The following OSBPL1A variants were observed in gnomAD, a reference collection of about 807,000 sequenced individuals.
OSBPL1A encodes oxysterol-binding protein-related protein 1.
Under a neutral mutation model 137.1 loss-of-function variants are expected in OSBPL1A, and 80 were observed. The ratio of observed to expected loss-of-function variants is 0.58; its 90% CI spans 0.49 to 0.70. The LOEUF is 0.70. Ranked by LOEUF, OSBPL1A falls within the 30% of genes least tolerant of loss-of-function variation. OSBPL1A has a pLI of 0.00. For missense variants in OSBPL1A, 970 were observed against 1,129.4 expected, an observed-to-expected ratio of 0.86 and a Z score of 2.02; for synonymous variants, 365 against 389.7, an observed-to-expected ratio of 0.94 and a Z score of 0.75.
chr18:24,379,879 G>A (rs1157549843), intron 1 of OSBPL1A, among the ~76,000 whole-genome samples: 1 of 151,978 alleles, frequency 6.6e-6, no homozygotes, highest in Admixed American at 6.6e-5. Context: ...TTAAAAAAAA[G>A]AATTTAAGGA....
At chr18:24,382,813 C>T (rs1906694178) in intron 1 of OSBPL1A, among the ~76,000 whole-genome samples, 2 of 151,826 alleles carry the variant, frequency 1.3e-5, no homozygotes, top group Non-Finnish European at 2.9e-5. Context: ...GAAGTTGAGA[C>T]TGCAGTGAGC....
At chr18:24,299,120 T>G (rs745729002) in intron 14 of OSBPL1A, among the ~76,000 whole-genome samples, 2 of 152,226 alleles carry the variant, frequency 1.3e-5, no homozygotes, top group Admixed American at 1.3e-4. Context: ...ATATGAATCC[T>G]TATGTGTTAG....
At chr18:24,215,796 T>C (rs753551904) in intron 17 of OSBPL1A, among the ~76,000 whole-genome samples, 5 of 152,152 alleles carry the variant, frequency 3.3e-5, no homozygotes, top group Non-Finnish European at 4.4e-5. Flanking sequence ...AGGCAGACCA[T>C]TAAAAGGCTG....
At chr18:24,366,847 T>G (rs1437520282) in intron 4 of OSBPL1A, 45 bp downstream of exon 4, 1 of 1,570,100 alleles carries the variant, frequency 6.4e-7, no homozygotes, top group Non-Finnish European at 8.7e-7. Context: ...TAACTACTCC[T>G]CCAAATACCT....
At position 24,308,272 on chromosome 18, in the gene OSBPL1A, C is replaced by T. The variant is rs554040739; in HGVS notation, c.1092+3712G>A. Among the ~76,000 whole-genome samples the T allele has an allele frequency of 1.8e-3, 268 of 150,816 alleles. 1 individual carries two copies. Among genetic ancestry groups the T allele is most frequent in the African/African-American group, 5.4e-3 (220 of 41,008 alleles). Reference sequence around the variant, plus strand: ...CTGGGACTACAGATATGGGCCACCACGTCCAGCTAATTTTTGTATTTTTAG... The same window carrying T: ...CTGGGACTACAGATATGGGCCACCATGTCCAGCTAATTTTTGTATTTTTAG... On this transcript the variant is annotated intron_variant, in intron 13 of 27. Transcript: ENST00000319481.
intron 1 of OSBPL1A, among the ~76,000 whole-genome samples, chr18:24,396,047 C>T (rs1007962704): frequency 6.6e-6 from 1 of 151,100 alleles, no homozygotes; most frequent in African/African-American, 2.4e-5. Flanking sequence ...GGTGAAACCT[C>T]GTCTCTACTA....
At chr18:24,362,417 A>G (rs1263193476) in intron 4 of OSBPL1A, among the ~76,000 whole-genome samples, 1 of 152,202 alleles carries the variant, frequency 6.6e-6, no homozygotes, top group Admixed American at 6.5e-5. Flanking sequence ...ACAAGTATCA[A>G]TTTATGAACA....
At chr18:24,210,253 C>T (rs887159807) in intron 17 of OSBPL1A, among the ~76,000 whole-genome samples, 3 of 152,054 alleles carry the variant, frequency 2.0e-5, no homozygotes, top group Non-Finnish European at 4.4e-5. Context: ...GTTGAAACCC[C>T]GTCTCTACTA....
At chr18:24,292,161 C>A (rs1180492728) in intron 14 of OSBPL1A, among the ~76,000 whole-genome samples, 1 of 152,120 alleles carries the variant, frequency 6.6e-6, no homozygotes, top group African/African-American at 2.4e-5. Flanking sequence ...ATAACTATAA[C>A]CCAGTGAGGG....
intron 4 of OSBPL1A, among the ~76,000 whole-genome samples, chr18:24,344,581 G>A (rs2146161023): frequency 6.6e-6 from 1 of 152,140 alleles, no homozygotes; most frequent in South Asian, 2.1e-4. Context: ...TGTGTAGGGA[G>A]CAGGTGCTGG....
chr18:24,241,503 T>C (rs1417343897), intron 15 of OSBPL1A, among the ~76,000 whole-genome samples: 2 of 152,214 alleles, frequency 1.3e-5, no homozygotes, highest in Non-Finnish European at 2.9e-5. Context: ...AAGGCGTTTA[T>C]GCAGCCAACA....
intron 18 of OSBPL1A, among the ~76,000 whole-genome samples, chr18:24,193,688 T>C (rs1822650): frequency 0.88 from 134,364 of 152,094 alleles, 59,469 homozygotes; most frequent in East Asian, 1. Context: ...AAATGTTCTT[T>C]CAGAACATTT....
At chr18:24,204,117 C>G (rs576428694) in intron 17 of OSBPL1A, among the ~76,000 whole-genome samples, 2 of 152,370 alleles carry the variant, frequency 1.3e-5, no homozygotes, top group East Asian at 3.9e-4. Flanking sequence ...TGCGGCCAGA[C>G]TGCTTTTGGA....
At chr18:24,395,419 T>C (rs570925267) in intron 1 of OSBPL1A, among the ~76,000 whole-genome samples, 25 of 152,332 alleles carry the variant, frequency 1.6e-4, no homozygotes, top group African/African-American at 5.8e-4. Flanking sequence ...ACAGTTCCAC[T>C]TAAAAATATT....
At chr18:24,228,301 C>T (rs933032788) in intron 16 of OSBPL1A, among the ~76,000 whole-genome samples, 30 of 151,448 alleles carry the variant, frequency 2.0e-4, no homozygotes, top group African/African-American at 7.0e-4. Flanking sequence ...CTCCCCTCAC[C>T]CCCCTCCTTA....
intron 18 of OSBPL1A, among the ~76,000 whole-genome samples, chr18:24,191,606 C>T (rs910973237): frequency 3.3e-5 from 5 of 152,096 alleles, no homozygotes; most frequent in South Asian, 4.1e-4. Flanking sequence ...ACATTTATAA[C>T]AATGCAAAGA....
intron 9 of OSBPL1A, among the ~76,000 whole-genome samples, chr18:24,317,859 G>A (rs886808986): frequency 1.3e-5 from 2 of 152,128 alleles, no homozygotes; most frequent in Non-Finnish European, 2.9e-5. Flanking sequence ...TAGAAAACAG[G>A]ATTCTCCAAA....
chr18:24,255,656 C>G (rs1330029635), intron 15 of OSBPL1A, among the ~76,000 whole-genome samples: 1 of 152,142 alleles, frequency 6.6e-6, no homozygotes, highest in African/African-American at 2.4e-5. Context: ...TCAAGTCTCC[C>G]TAAAATGTAT....
intron 21 of OSBPL1A, 28 bp from the exon 22 acceptor site, chr18:24,172,511 A>G (rs757371479): frequency 2.5e-5 from 37 of 1,499,818 alleles, no homozygotes; most frequent in Non-Finnish European, 3.3e-5. Flanking sequence ...ACCCAGAAGC[A>G]TAAGTGAGAG....
Sources: gnomAD v4.1 joint callset for allele counts (sites outside exome capture counted in the v4.1 genomes callset) on GRCh38, gnomAD v4.1.1 for gene constraint, MANE v1.5 for transcripts, NCBI Gene and HGNC (gene_info 2026-07-23, HGNC 2026-07-21) for gene names.